Variants in ERBB4 observed in about 807,000 individuals in gnomAD.
ERBB4 encodes the protein receptor tyrosine-protein kinase erbB-4.
Under a neutral mutation model 158.0 loss-of-function variants are expected in ERBB4, and 42 were observed. The observed-to-expected ratio is 0.27, with a 90% CI of 0.21 to 0.34. The LOEUF is 0.34. Ranked by LOEUF, ERBB4 falls within the 10% of genes least tolerant of loss-of-function variation. The pLI is 1.00. For missense variants in ERBB4, 1,333 were observed against 1,624.1 expected (o/e 0.82, Z 3.08); for synonymous variants, 583 against 558.7 (o/e 1.04, Z -0.61).
At chr2:212,533,959 T>C (rs1286183339) in intron 1 of ERBB4, among the ~76,000 whole-genome samples, 3 of 152,212 alleles carry the variant, frequency 2.0e-5, no homozygotes, top group Non-Finnish European at 4.4e-5. Context: ...AACAAAGCAG[T>C]ATCTCTCAAA....
At chr2:211,524,453 G>C (rs569580553) in intron 20 of ERBB4, among the ~76,000 whole-genome samples, 19 of 150,960 alleles carry the variant, frequency 1.3e-4, no homozygotes, top group Middle Eastern at 3.4e-3. Flanking sequence ...GGAGGCTCGG[G>C]CCGCACAGGA....
intron 25 of ERBB4, among the ~76,000 whole-genome samples, chr2:211,410,311 A>AGTTT (rs1384492554): frequency 6.6e-6 from 1 of 152,144 alleles, no homozygotes; most frequent in Admixed American, 6.5e-5. Flanking sequence ...CTGCTGCTTC[A>AGTTT]GTTTGGGTGA....
At chr2:211,564,248 A>C (rs1042614437) in intron 19 of ERBB4, among the ~76,000 whole-genome samples, 1 of 152,140 alleles carries the variant, frequency 6.6e-6, no homozygotes, top group African/African-American at 2.4e-5. Context: ...TATAACACCA[A>C]AGGCTGAGGA....
intron 21 of ERBB4, among the ~76,000 whole-genome samples, chr2:211,429,025 TA>T (rs58311450): frequency 6.6e-6 from 1 of 151,556 alleles, no homozygotes; most frequent in Non-Finnish European, 1.5e-5. Flanking sequence ...CTTATTTTTT[TA>T]AAAAAAAAGC....
intron 2 of ERBB4, among the ~76,000 whole-genome samples, chr2:212,041,591 A>T (rs1028767586): frequency 1.4e-5 from 2 of 139,692 alleles, no homozygotes; most frequent in Non-Finnish European, 3.1e-5. Flanking sequence ...CATATTACAT[A>T]AAAAAAAAAA....
intron 1 of ERBB4, among the ~76,000 whole-genome samples, chr2:212,273,148 G>T (rs1195005873): frequency 2.0e-5 from 3 of 151,604 alleles, no homozygotes; most frequent in Non-Finnish European, 4.4e-5. Context: ...AACATAATTT[G>T]CCACTCCAGA....
intron 1 of ERBB4, among the ~76,000 whole-genome samples, chr2:212,354,610 T>C (rs1211193733): frequency 2.6e-5 from 4 of 152,174 alleles, no homozygotes; most frequent in Non-Finnish European, 5.9e-5. Flanking sequence ...CAATGCTTTT[T>C]ATCTTTAGAC....
At chr2:211,943,418 C>T (rs2080561040) in intron 3 of ERBB4, among the ~76,000 whole-genome samples, 1 of 152,084 alleles carries the variant, frequency 6.6e-6, no homozygotes, top group South Asian at 2.1e-4. Flanking sequence ...TGCAAGTGAC[C>T]TTAACGGAAG....
intron 1 of ERBB4, among the ~76,000 whole-genome samples, chr2:212,142,568 A>G (rs1297589117): frequency 6.7e-6 from 1 of 148,688 alleles, no homozygotes; most frequent in Non-Finnish European, 1.5e-5. Flanking sequence ...AAGGTCAAAC[A>G]GTTAAATAAA....
chr2:211,805,699 C>T (rs971852796), intron 3 of ERBB4, among the ~76,000 whole-genome samples: 5 of 151,894 alleles, frequency 3.3e-5, no homozygotes, highest in African/African-American at 1.2e-4. Flanking sequence ...ATAAGATGAA[C>T]AACAAGGGTG....
At chr2:211,736,240 T>A (rs1291884499) in intron 5 of ERBB4, among the ~76,000 whole-genome samples, 2 of 152,162 alleles carry the variant, frequency 1.3e-5, no homozygotes, top group African/African-American at 4.8e-5. Flanking sequence ...TTTTTCAAAC[T>A]TTTGATTTTT....
At chr2:212,472,572 C>T (rs1689168802) in intron 1 of ERBB4, among the ~76,000 whole-genome samples, 1 of 151,386 alleles carries the variant, frequency 6.6e-6, no homozygotes, top group Admixed American at 6.6e-5. Context: ...TTAATGAAGG[C>T]AAATGCAGAG....
chr2:211,637,157 G>A (rs1246210223), intron 16 of ERBB4, among the ~76,000 whole-genome samples: 1 of 151,872 alleles, frequency 6.6e-6, no homozygotes, highest in African/African-American at 2.4e-5. Flanking sequence ...AGTGGCTACA[G>A]ATGAAAGCAT....
chr2:212,034,840 G>C (rs1369485677), intron 2 of ERBB4, among the ~76,000 whole-genome samples: 1 of 152,120 alleles, frequency 6.6e-6, no homozygotes, highest in East Asian at 1.9e-4. Flanking sequence ...ATATATGTGA[G>C]ACTGGTGCAA....
chr2:211,449,543 G>A (rs2064191941), intron 20 of ERBB4, among the ~76,000 whole-genome samples: 2 of 152,086 alleles, frequency 1.3e-5, no homozygotes. Flanking sequence ...TAGTTCATAT[G>A]CAATTTAGAT....
At chr2:211,548,135 T>A (rs959401510) in intron 20 of ERBB4, among the ~76,000 whole-genome samples, 6 of 152,084 alleles carry the variant, frequency 3.9e-5, no homozygotes, top group African/African-American at 4.8e-5. Context: ...GATTCTCTCT[T>A]ACCCCTTACT....
At chr2:211,997,340 A>G (rs2082223707) in intron 2 of ERBB4, among the ~76,000 whole-genome samples, 1 of 151,874 alleles carries the variant, frequency 6.6e-6, no homozygotes, top group African/African-American at 2.4e-5. Flanking sequence ...CCCTCTAGTA[A>G]CTTTCACTTG....
intron 3 of ERBB4, among the ~76,000 whole-genome samples, chr2:211,902,878 G>T (rs1012554751): frequency 2.6e-5 from 4 of 151,826 alleles, no homozygotes; most frequent in Non-Finnish European, 4.4e-5. Context: ...AAACAACTCA[G>T]AAAGTACCAT....
intron 5 of ERBB4, among the ~76,000 whole-genome samples, chr2:211,731,356 T>C (rs1324636790): frequency 6.6e-6 from 1 of 152,126 alleles, no homozygotes; most frequent in Non-Finnish European, 1.5e-5. Flanking sequence ...ATAAAACATA[T>C]GTTCAATAAC....
Sources: allele counts gnomAD v4.1 joint callset (sites outside exome capture counted in the v4.1 genomes callset), GRCh38; gene constraint gnomAD v4.1.1; transcripts MANE v1.5; gene names NCBI Gene and HGNC (gene_info 2026-07-23, HGNC 2026-07-21).